Variants in KCNT1 observed in about 807,000 individuals in gnomAD.
KCNT1 encodes the protein potassium sodium-activated channel subfamily T member 1.
In KCNT1, 78 loss-of-function variants were observed where a neutral mutation model predicts 147.8. That is an observed-to-expected ratio of 0.53 (90% CI 0.44 to 0.64). The LOEUF (loss-of-function observed/expected upper bound fraction) is 0.64. Ranked by LOEUF, KCNT1 falls within the 30% of genes least tolerant of loss-of-function variation. The pLI, the probability that KCNT1 is intolerant of heterozygous loss-of-function variation, is 0.00. For missense variants in KCNT1, 1,419 were observed against 1,750.3 expected (o/e 0.81, Z 3.38); for synonymous variants, 867 against 748.8 (o/e 1.16, Z -2.58).
intron 29 of KCNT1, 38 bp from the exon 30 acceptor site, chr9:135,791,759 C>CT (rs1564401288): frequency 6.3e-7 from 1 of 1,582,762 alleles, no homozygotes; most frequent in South Asian, 1.1e-5. Context: ...AGGGGCAGGG[C>CT]TGGGGGGGTG....
chr9:135,773,728 C>T (rs942735852), intron 19 of KCNT1, among the ~76,000 whole-genome samples: 1 of 152,270 alleles, frequency 6.6e-6, no homozygotes, highest in South Asian at 2.1e-4. Context: ...GTGGGGTCAA[C>T]ACACTGTAAT....
At chr9:135,751,757 G>A (rs1341753565) in intron 4 of KCNT1, among the ~76,000 whole-genome samples, 3 of 152,154 alleles carry the variant, frequency 2.0e-5, no homozygotes, top group Admixed American at 6.5e-5. Context: ...CCTCGGTGCC[G>A]GCCTGTCCTG....
Position 135,759,864 on chromosome 9 carries a change from G to T in KCNT1, c.1035+5G>T, listed in dbSNP as rs747736822. 1 of 1,596,026 alleles carries T rather than the reference G, an allele frequency of 6.3e-7. No individual in the cohort carries two copies. The highest frequency in any genetic ancestry group is 8.5e-7 in the Non-Finnish European group (1 of 1,170,286). On this transcript the variant is annotated splice_donor_5th_base_variant and intron_variant, in intron 11 of 30. Transcript: ENST00000371757. The stretch of plus-strand genomic sequence containing the variant: ...CTCGTGGTGCTCCCACTGCAGGTGG[G>T]TCCTCTGGGCACCAGCCCTGGGTGG...
intron 11 of KCNT1, among the ~76,000 whole-genome samples, chr9:135,764,381 G>A (rs1304442709): frequency 6.6e-6 from 1 of 152,188 alleles, no homozygotes; most frequent in African/African-American, 2.4e-5. Flanking sequence ...GATGGCTTGA[G>A]CCCGGGAAGT....
chr9:135,744,019 G>A (rs975657230), intron 2 of KCNT1, among the ~76,000 whole-genome samples: 1 of 152,238 alleles, frequency 6.6e-6, no homozygotes, highest in African/African-American at 2.4e-5. Flanking sequence ...GCAGAGGCCT[G>A]CGTGGAGCTC....
intron 11 of KCNT1, among the ~76,000 whole-genome samples, chr9:135,763,043 G>GAGGGACAAGC (rs1832017324): frequency 6.6e-6 from 1 of 152,256 alleles, no homozygotes; most frequent in African/African-American, 2.4e-5. Context: ...CAGGCCCTGA[G>GAGGGACAAGC]TGGGACAAGC....
chr9:135,738,944 G>T (rs1328056593), intron 2 of KCNT1, among the ~76,000 whole-genome samples: 2 of 152,102 alleles, frequency 1.3e-5, no homozygotes, highest in African/African-American at 2.4e-5. Flanking sequence ...GTGCCCAATG[G>T]GGGGACAGGG....
intron 2 of KCNT1, among the ~76,000 whole-genome samples, chr9:135,748,310 G>T (rs958641987): frequency 4.6e-5 from 7 of 152,074 alleles, no homozygotes; most frequent in Admixed American, 2.6e-4. Context: ...CTCTACCAAG[G>T]CCCCTCCCGC....
At chr9:135,753,736 C>T in intron 4 of KCNT1, 2 of 612,416 alleles carry the variant, frequency 3.3e-6, no homozygotes, top group Middle Eastern at 4.2e-4. Context: ...GTTAGAGGCC[C>T]TCCTGCAGGA....
chr9:135,731,991 T>TATATATATATATAGAGAGAGAG (rs1276318460), intron 2 of KCNT1, among the ~76,000 whole-genome samples: 1 of 21,740 alleles, frequency 4.6e-5, no homozygotes, highest in Non-Finnish European at 8.4e-5. Flanking sequence ...TATATATATA[T>TATATATATATATAGAGAGAGAG]AGAGAGAGAG....
chr9:135,780,270 A>G (rs1108094), intron 24 of KCNT1, among the ~76,000 whole-genome samples: 1 of 152,120 alleles, frequency 6.6e-6, no homozygotes, highest in South Asian at 2.1e-4. Context: ...TGTCTGCTCT[A>G]CACGAACCCC....
At chr9:135,749,819 A>G (rs1433043229) in intron 2 of KCNT1, among the ~76,000 whole-genome samples, 1 of 152,204 alleles carries the variant, frequency 6.6e-6, no homozygotes, top group African/African-American at 2.4e-5. Flanking sequence ...CTGAGCCCCA[A>G]CAGGGCGGCC....
chr9:135,734,875 G>A (rs571768091), intron 2 of KCNT1, among the ~76,000 whole-genome samples: 1 of 152,142 alleles, frequency 6.6e-6, no homozygotes, highest in African/African-American at 2.4e-5. Context: ...GATGTCCATC[G>A]GCCCTTTGTG....
chr9:135,706,678 C>T (rs757382670), intron 1 of KCNT1, among the ~76,000 whole-genome samples: 8 of 152,210 alleles, frequency 5.3e-5, no homozygotes, highest in Non-Finnish European at 1.2e-4. Flanking sequence ...AGAAGTGGGT[C>T]CTCATGCTTC....
intron 20 of KCNT1, 40 bp downstream of exon 20, chr9:135,775,455 G>T: frequency 1.3e-6 from 2 of 1,491,782 alleles, no homozygotes; most frequent in Non-Finnish European, 1.8e-6. Flanking sequence ...ACCCCCAGAC[G>T]CCAGCACCGG....
At chr9:135,756,829 A>T in intron 6 of KCNT1, 44 bp from the exon 7 acceptor site, 4 of 1,564,032 alleles carry the variant, frequency 2.6e-6, no homozygotes, top group Non-Finnish European at 3.5e-6. Context: ...CCCCAGCCCC[A>T]GCCCCGGCCT....
At chr9:135,783,872 G>C (rs1262222084) in intron 24 of KCNT1, 152 bp from the exon 25 acceptor site, 5 of 648,032 alleles carry the variant, frequency 7.7e-6, no homozygotes, top group South Asian at 1.7e-5. Context: ...GACACACACT[G>C]TGTACACGTG....
At chr9:135,790,758 C>T in intron 29 of KCNT1, 1 of 152,580 alleles carries the variant, frequency 6.6e-6, no homozygotes, top group Non-Finnish European at 1.5e-5. Flanking sequence ...CCCTGGGGTC[C>T]CCCGTCCTGG....
intron 12 of KCNT1, 107 bp downstream of exon 12, chr9:135,765,302 T>G: frequency 8.9e-7 from 1 of 1,124,326 alleles, no homozygotes; most frequent in East Asian, 2.4e-5. Flanking sequence ...TCAGCCTTGG[T>G]TTACCCCTTC....
Sources: gnomAD v4.1 joint callset for allele counts (sites outside exome capture counted in the v4.1 genomes callset) on GRCh38, gnomAD v4.1.1 for gene constraint, MANE v1.5 for transcripts, NCBI Gene and HGNC (gene_info 2026-07-23, HGNC 2026-07-21) for gene names.